Variants in PKIA observed in about 807,000 individuals in gnomAD.
PKIA encodes the protein cAMP-dependent protein kinase inhibitor alpha.
In PKIA, 4 loss-of-function variants were observed where a neutral mutation model predicts 7.6. That is an observed-to-expected ratio of 0.52 (90% confidence interval 0.26 to 1.20). PKIA has a LOEUF of 1.20. PKIA is among the 50% of genes most tolerant of loss of function. The probability of loss-of-function intolerance (pLI) is 0.13; values close to 1 mark genes in which losing one functional copy is unlikely to be tolerated. For missense variants in PKIA, 73 were observed against 86.2 expected, an observed-to-expected ratio of 0.85 and a Z score of 0.61; for synonymous variants, 21 against 30.7, an observed-to-expected ratio of 0.68 and a Z score of 1.04.
intron 1 of PKIA, among the ~76,000 whole-genome samples, chr8:78,557,327 C>T (rs76077544): frequency 0.036 from 5,523 of 152,162 alleles, 153 homozygotes; most frequent in South Asian, 0.07. Context: ...CTGACACACA[C>T]TCAATTTGTG....
intron 2 of PKIA, among the ~76,000 whole-genome samples, chr8:78,576,788 G>C (rs34263463): frequency 0.086 from 13,055 of 151,820 alleles, 648 homozygotes; most frequent in Middle Eastern, 0.17. Flanking sequence ...GCATTAAAAA[G>C]AAAAGTTAAC....
chr8:78,517,506 T>C (rs1213833207), intron 1 of PKIA, among the ~76,000 whole-genome samples: 1 of 152,204 alleles, frequency 6.6e-6, no homozygotes, highest in Non-Finnish European at 1.5e-5. Context: ...GGACAAATCC[T>C]TTCCAAAAGG....
chr8:78,550,568 G>GT (rs113848385), intron 1 of PKIA, among the ~76,000 whole-genome samples: 11 of 152,036 alleles, frequency 7.2e-5, no homozygotes, highest in African/African-American at 2.4e-4. Flanking sequence ...ATTCAGATCT[G>GT]ATTGCCAATG....
At chr8:78,527,710 C>G (rs1316287590) in intron 1 of PKIA, among the ~76,000 whole-genome samples, 1 of 151,940 alleles carries the variant, frequency 6.6e-6, no homozygotes, top group African/African-American at 2.4e-5. Flanking sequence ...CTAGATCTTA[C>G]CAGGTTATAA....
chr8:78,516,980 T>C (rs536202682), intron 1 of PKIA, among the ~76,000 whole-genome samples: 1 of 152,306 alleles, frequency 6.6e-6, no homozygotes, highest in Non-Finnish European at 1.5e-5. Context: ...AGCCTCTATC[T>C]GGAGGGGAAA....
intron 2 of PKIA, among the ~76,000 whole-genome samples, chr8:78,595,868 A>G (rs1023476910): frequency 2.0e-5 from 3 of 152,156 alleles, no homozygotes; most frequent in African/African-American, 7.2e-5. Context: ...AGAATGATTT[A>G]TATTCCTTTG....
chr8:78,574,822 A>G (rs1411843035), intron 2 of PKIA, among the ~76,000 whole-genome samples: 2 of 151,978 alleles, frequency 1.3e-5, no homozygotes, highest in African/African-American at 4.8e-5. Context: ...CTTTTCCTGC[A>G]TTCTCTTGGG....
chr8:78,540,653 G>A (rs77947704), intron 1 of PKIA, among the ~76,000 whole-genome samples: 3 of 151,992 alleles, frequency 2.0e-5, no homozygotes, highest in Non-Finnish European at 2.9e-5. Context: ...AGGGACAGAG[G>A]GGGTGGGGCA....
At chr8:78,521,877 C>A (rs1410392316) in intron 1 of PKIA, among the ~76,000 whole-genome samples, 1 of 151,880 alleles carries the variant, frequency 6.6e-6, no homozygotes, top group Non-Finnish European at 1.5e-5. Flanking sequence ...ATTTCCTCAG[C>A]CCCTGGTAAA....
chr8:78,555,526 C>CA (rs1807109525), intron 1 of PKIA, among the ~76,000 whole-genome samples: 1 of 151,968 alleles, frequency 6.6e-6, no homozygotes, highest in Non-Finnish European at 1.5e-5. Context: ...AGTAGTCATT[C>CA]AAAAGGCTCA....
At chr8:78,531,725 G>T (rs747618898) in intron 1 of PKIA, among the ~76,000 whole-genome samples, 4 of 152,038 alleles carry the variant, frequency 2.6e-5, no homozygotes, top group Admixed American at 6.6e-5. Context: ...TAATATAAGG[G>T]TTTGGATCCC....
chr8:78,600,482 C>CTT (rs1450395778), intron 3 of PKIA, among the ~76,000 whole-genome samples: 2 of 152,056 alleles, frequency 1.3e-5, no homozygotes, highest in East Asian at 3.9e-4. Context: ...AGTCAAGTTC[C>CTT]TCATCTTGTA....
intron 2 of PKIA, among the ~76,000 whole-genome samples, chr8:78,596,683 T>G (rs946442700): frequency 6.6e-6 from 1 of 152,242 alleles, no homozygotes; most frequent in African/African-American, 2.4e-5. Flanking sequence ...TATGTCCCAT[T>G]TGTCAATTTT....
At chr8:78,554,771 C>T (rs1248367274) in intron 1 of PKIA, among the ~76,000 whole-genome samples, 1 of 152,026 alleles carries the variant, frequency 6.6e-6, no homozygotes, top group South Asian at 2.1e-4. Context: ...TTATGCAATA[C>T]ATAAAGATGC....
At chr8:78,574,585 T>C (rs1242933357) in intron 2 of PKIA, among the ~76,000 whole-genome samples, 1 of 151,904 alleles carries the variant, frequency 6.6e-6, no homozygotes, top group Non-Finnish European at 1.5e-5. Context: ...ACACACACTC[T>C]CCCAGGTGTG....
chr8:78,597,973 A>T (rs1221925602), intron 2 of PKIA, among the ~76,000 whole-genome samples: 2 of 151,796 alleles, frequency 1.3e-5, no homozygotes, highest in Non-Finnish European at 2.9e-5. Flanking sequence ...CAAACACTGC[A>T]CGTTCTCACG....
intron 1 of PKIA, among the ~76,000 whole-genome samples, chr8:78,539,871 C>CAT (rs1806631227): frequency 2.6e-5 from 4 of 151,830 alleles, no homozygotes; most frequent in Admixed American, 1.3e-4. Context: ...TCTCTAATTG[C>CAT]ATATATATAA....
At chr8:78,601,454 T>C (rs1808346595) in intron 3 of PKIA, among the ~76,000 whole-genome samples, 1 of 152,048 alleles carries the variant, frequency 6.6e-6, no homozygotes, top group South Asian at 2.1e-4. Flanking sequence ...GGCCTTGAGA[T>C]TTCTGAGCTA....
intron 1 of PKIA, 113 bp from the exon 2 acceptor site, chr8:78,572,698 C>T (rs1242288474): frequency 1.3e-5 from 2 of 152,028 alleles, no homozygotes; most frequent in African/African-American, 4.8e-5. Flanking sequence ...ACGAAAGTTC[C>T]TGAAGTTATG....
Sources: gnomAD v4.1 joint callset for allele counts (sites outside exome capture counted in the v4.1 genomes callset) on GRCh38, gnomAD v4.1.1 for gene constraint, MANE v1.5 for transcripts, NCBI Gene and HGNC (gene_info 2026-07-23, HGNC 2026-07-21) for gene names.